The following CDH1 variants were observed in gnomAD, a reference collection of about 807,000 sequenced individuals.
The protein encoded by CDH1 is cadherin-1.
Under a neutral mutation model 84.5 loss-of-function variants are expected in CDH1, and 35 were observed. The ratio of observed to expected loss-of-function variants is 0.41; its 90% CI spans 0.32 to 0.55. The LOEUF (loss-of-function observed/expected upper bound fraction) is 0.55, where lower values mean the gene tolerates loss of function less well. Ranked by LOEUF, CDH1 falls within the 20% of genes least tolerant of loss-of-function variation. CDH1 has a pLI of 0.19. For synonymous variants in CDH1, 417 were observed against 439.0 expected (o/e 0.95, Z 0.63); for missense variants, 994 against 1,126.6 (o/e 0.88, Z 1.68).
chr16:68,799,821 T>C (rs934425252), intron 2 of CDH1, among the ~76,000 whole-genome samples: 1 of 152,080 alleles, frequency 6.6e-6, no homozygotes, highest in Admixed American at 6.6e-5. Context: ...GAGACCAGCC[T>C]GGACAACATG....
chr16:68,760,481 G>A (rs1180807887), intron 2 of CDH1, among the ~76,000 whole-genome samples: 3 of 151,872 alleles, frequency 2.0e-5, no homozygotes, highest in East Asian at 1.9e-4. Context: ...AAGTATAACC[G>A]TCTCCTGCCC....
chr16:68,815,924 C>G (rs891441619), intron 10 of CDH1, among the ~76,000 whole-genome samples, 165 bp downstream of exon 10: 1 of 152,202 alleles, frequency 6.6e-6, no homozygotes, highest in Non-Finnish European at 1.5e-5. Flanking sequence ...TTCACCTGTT[C>G]CCTTCCCTTC....
At chr16:68,795,901 T>G (rs1960344936) in intron 2 of CDH1, among the ~76,000 whole-genome samples, 1 of 151,224 alleles carries the variant, frequency 6.6e-6, no homozygotes, top group South Asian at 2.1e-4. Flanking sequence ...CGGTGGCTTA[T>G]GCCTGTAATC....
chr16:68,760,086 A>ATATATAT (rs1486542814), intron 2 of CDH1, among the ~76,000 whole-genome samples: 134 of 122,138 alleles, frequency 1.1e-3, no homozygotes, highest in Non-Finnish European at 1.8e-3. Flanking sequence ...ATATATATAT[A>ATATATAT]TTTTTTTTTT....
At chr16:68,799,533 T>A (rs978414572) in intron 2 of CDH1, among the ~76,000 whole-genome samples, 4 of 152,076 alleles carry the variant, frequency 2.6e-5, no homozygotes, top group Non-Finnish European at 5.9e-5. Flanking sequence ...CCTTTCAATC[T>A]TTCCTATAAT....
At chr16:68,753,493 C>T (rs952739918) in intron 2 of CDH1, among the ~76,000 whole-genome samples, 1 of 151,780 alleles carries the variant, frequency 6.6e-6, no homozygotes, top group African/African-American at 2.4e-5. Flanking sequence ...TTTTAGCCAC[C>T]ATGCCCGGCT....
At chr16:68,792,479 C>G (rs747548732) in intron 2 of CDH1, among the ~76,000 whole-genome samples, 8 of 152,212 alleles carry the variant, frequency 5.3e-5, no homozygotes, top group African/African-American at 1.9e-4. Flanking sequence ...TTCCACCCAC[C>G]TCCCAAAGGG....
At chr16:68,800,459 T>C (rs1418932981) in intron 2 of CDH1, among the ~76,000 whole-genome samples, 1 of 152,158 alleles carries the variant, frequency 6.6e-6, no homozygotes, top group South Asian at 2.1e-4. Context: ...TGGCCCCTGA[T>C]GGAAGAAATG....
At chr16:68,737,535 T>A in intron 1 of CDH1, 72 bp downstream of exon 1, 1 of 269,992 alleles carries the variant, frequency 3.7e-6, no homozygotes, top group Non-Finnish European at 5.8e-6. Flanking sequence ...CTGCGCCCCT[T>A]CCTCTCCCGT....
chr16:68,795,466 G>A (rs1345198313), intron 2 of CDH1, among the ~76,000 whole-genome samples: 1 of 152,146 alleles, frequency 6.6e-6, no homozygotes, highest in African/African-American at 2.4e-5. Context: ...GAGCCACCAT[G>A]CCTGGCTAGT....
chr16:68,770,430 G>A (rs1597863209), intron 2 of CDH1, among the ~76,000 whole-genome samples: 1 of 152,142 alleles, frequency 6.6e-6, no homozygotes, highest in Admixed American at 6.5e-5. Flanking sequence ...ATGGACAGCT[G>A]AATGACTCTG....
At chr16:68,799,209 G>A (rs1862749) in intron 2 of CDH1, among the ~76,000 whole-genome samples, 299 of 152,294 alleles carry the variant, frequency 2.0e-3, no homozygotes, top group Middle Eastern at 3.4e-3. Context: ...CCTTGTCTCT[G>A]TCTTCCCATC....
intron 1 of CDH1, 95 bp downstream of exon 1, chr16:68,737,558 CCTT>C: frequency 9.3e-7 from 1 of 1,076,710 alleles, no homozygotes; most frequent in African/African-American, 1.7e-5. Flanking sequence ...TCACCGCTTC[CCTT>C]CTTCCAAGAA....
At chr16:68,815,095 C>G (rs529084800) in intron 9 of CDH1, among the ~76,000 whole-genome samples, 372 of 151,802 alleles carry the variant, frequency 2.5e-3, no homozygotes, top group Non-Finnish European at 4.3e-3. Context: ...GGTGTGGTGG[C>G]GGGCTCCTGT....
At chr16:68,820,487 A>G (rs1169124577) in intron 11 of CDH1, among the ~76,000 whole-genome samples, 1 of 151,422 alleles carries the variant, frequency 6.6e-6, no homozygotes, top group Non-Finnish European at 1.5e-5. Flanking sequence ...AGTAGCTGGG[A>G]TTACAGGTGT....
At position 68,829,695 on chromosome 16, in the gene CDH1, G is replaced by C. The variant is rs771292184; in HGVS notation, c.2337G>C (p.Arg779=). The change falls in exon 15 of 16, where the codon CGG becomes CGC. Residue 779 remains arginine (R), a synonymous_variant. Coordinates refer to ENST00000261769, the MANE Select transcript of CDH1 (RefSeq NM_004360.5). The part of the protein sequence containing the change: ...LSQLHRGLDA[R]PEVTRNDVAP... ...AGCTGCACAGGGGCCTGGACGCTCG[G>C]CCTGAAGTGACTCGTAACGACGTTG... 1 of 1,614,094 alleles carries C rather than the reference G, an allele frequency of 6.2e-7. No homozygotes were observed. The highest frequency in any genetic ancestry group is 8.5e-7 in the Non-Finnish European group (1 of 1,180,002).
At chr16:68,777,613 G>A (rs1465155564) in intron 2 of CDH1, among the ~76,000 whole-genome samples, 4 of 137,194 alleles carry the variant, frequency 2.9e-5, no homozygotes, top group Non-Finnish European at 3.1e-5. Context: ...GTGCAACCAC[G>A]GCTTATTGCA....
intron 15 of CDH1, among the ~76,000 whole-genome samples, chr16:68,831,040 A>G (rs1439651340): frequency 1.4e-5 from 2 of 140,648 alleles, no homozygotes; most frequent in Admixed American, 7.1e-5. Flanking sequence ...GTGAGTCTTC[A>G]TGGTGAGGTC....
chr16:68,833,573 C>T lies in CDH1; in HGVS notation c.*74C>T. The T allele has an allele frequency of 8.4e-7, 1 of 1,185,566 alleles. No individual in the cohort carries two copies. Among genetic ancestry groups the T allele is most frequent in the East Asian group, 2.3e-5 (1 of 42,974 alleles). The allele number at this position is 1,185,566 out of a possible 1,614,324, so 73.4% of individuals were successfully genotyped here. ...AATCACGTTGCTGGTGGTTTTTCAG[C>T]TCCCTTCCCTTGAGATGAGTTTCTG... On this transcript the variant is annotated 3_prime_UTR_variant, in exon 16 of 16. Coordinates refer to ENST00000261769, the MANE Select transcript of CDH1 (RefSeq NM_004360.5).
Sources: gnomAD v4.1 joint callset for allele counts (sites outside exome capture counted in the v4.1 genomes callset) on GRCh38, gnomAD v4.1.1 for gene constraint, MANE v1.5 for transcripts, NCBI Gene and HGNC (gene_info 2026-07-23, HGNC 2026-07-21) for gene names.